The following MSH3 variants were observed in gnomAD, a reference collection of about 807,000 sequenced individuals.
MSH3 encodes the protein mutS homolog 3.
In MSH3, 106 loss-of-function variants were observed where a neutral mutation model predicts 123.3. The observed-to-expected ratio is 0.86, with a 90% CI of 0.73 to 1.01. The LOEUF (loss-of-function observed/expected upper bound fraction) is 1.01. Among genes scored for constraint, MSH3 ranks in the 50% least tolerant of loss-of-function variants. The probability of loss-of-function intolerance (pLI) is 0.00; values close to 1 mark genes in which losing one functional copy is unlikely to be tolerated. For missense variants in MSH3, 1,459 were observed against 1,347.6 expected, an observed-to-expected ratio of 1.08 and a Z score of -1.29; for synonymous variants, 515 against 481.4, an observed-to-expected ratio of 1.07 and a Z score of -0.91.
At chr5:80,655,012 G>T in intron 1 of MSH3, 48 bp downstream of exon 1, 1 of 1,162,396 alleles carries the variant, frequency 8.6e-7, no homozygotes. Context: ...TGGGGGGGCG[G>T]GGCTTGTGGG....
chr5:80,729,161 A>G (rs1743359401), intron 10 of MSH3, among the ~76,000 whole-genome samples, 196 bp downstream of exon 10: 1 of 152,088 alleles, frequency 6.6e-6, no homozygotes, highest in Non-Finnish European at 1.5e-5. Context: ...CATGCCTGTA[A>G]TCCCAGCACT....
rs1580066514 is a variant in MSH3 at position 80,813,674 on chromosome 5, G to A, written c.2746G>A (p.Ala916Thr). The change falls in exon 20 of 24, where the codon GCT (alanine) becomes ACT (threonine). Residue 916 changes from alanine to threonine, a missense_variant. Ala to Thr is a moderately conservative substitution (Grantham distance 58, BLOSUM62 0). Coordinates refer to ENST00000265081, the MANE Select transcript of MSH3 (RefSeq NM_002439.5). Reference sequence around the variant, plus strand: ...ACAAGTTGCATTGATTACCATCATGGCTCAGATTGGCTCCTATGTTCCTGC... The same window carrying A: ...ACAAGTTGCATTGATTACCATCATGACTCAGATTGGCTCCTATGTTCCTGC... ...IKQVALITIM[A>T]QIGSYVPAEE... The A allele has an allele frequency of 6.2e-7, 1 of 1,614,128 alleles. No homozygotes were observed. The highest frequency in any genetic ancestry group is 8.5e-7 in the Non-Finnish European group (1 of 1,180,012).
intron 12 of MSH3, among the ~76,000 whole-genome samples, chr5:80,750,031 A>T (rs549127989): frequency 6.7e-6 from 1 of 148,458 alleles, no homozygotes; most frequent in African/African-American, 2.5e-5. Flanking sequence ...ATATTGTCAA[A>T]TGATAGAATT....
At chr5:80,769,532 T>C (rs1195635669) in intron 15 of MSH3, among the ~76,000 whole-genome samples, 1 of 152,184 alleles carries the variant, frequency 6.6e-6, no homozygotes, top group Middle Eastern at 3.4e-3. Flanking sequence ...TGTACTTCTG[T>C]TTAAAGTTTG....
intron 15 of MSH3, among the ~76,000 whole-genome samples, chr5:80,775,322 A>G (rs1744279666): frequency 6.6e-6 from 1 of 152,144 alleles, no homozygotes; most frequent in South Asian, 2.1e-4. Flanking sequence ...GTAATTGAAT[A>G]TTTTAAAATT....
At chr5:80,780,629 G>A (rs932639920) in intron 17 of MSH3, among the ~76,000 whole-genome samples, 3 of 152,190 alleles carry the variant, frequency 2.0e-5, no homozygotes, top group African/African-American at 7.2e-5. Flanking sequence ...CAGTTTGGGA[G>A]GCTGAGGTGG....
chr5:80,856,460 C>T (rs1019984362), intron 21 of MSH3, among the ~76,000 whole-genome samples: 1 of 146,076 alleles, frequency 6.8e-6, no homozygotes, highest in African/African-American at 2.5e-5. Context: ...GACAAAAAAC[C>T]AAACACCGCA....
chr5:80,806,160 G>A (rs572390232), intron 19 of MSH3, among the ~76,000 whole-genome samples: 10 of 152,034 alleles, frequency 6.6e-5, no homozygotes, highest in Non-Finnish European at 1.2e-4. Flanking sequence ...GTGCAATGGC[G>A]CGATCTCGGC....
intron 21 of MSH3, among the ~76,000 whole-genome samples, chr5:80,860,484 T>C (rs886818630): frequency 1.3e-5 from 2 of 150,296 alleles, no homozygotes; most frequent in Non-Finnish European, 3.0e-5. Context: ...GATATTTTAC[T>C]CCACTCTTTT....
intron 9 of MSH3, among the ~76,000 whole-genome samples, chr5:80,727,054 TGAG>T (rs1162318447): frequency 6.6e-6 from 1 of 152,200 alleles, no homozygotes; most frequent in Non-Finnish European, 1.5e-5. Flanking sequence ...TCCAGGCCCT[TGAG>T]GAGCCTGTAT....
chr5:80,679,624 T>C (rs1749924354), intron 8 of MSH3, among the ~76,000 whole-genome samples: 1 of 152,238 alleles, frequency 6.6e-6, no homozygotes, highest in African/African-American at 2.4e-5. Flanking sequence ...TGGTTTTGTT[T>C]ACTGGATCTA....
chr5:80,675,598 G>A (rs542113730), intron 7 of MSH3, among the ~76,000 whole-genome samples: 10 of 152,248 alleles, frequency 6.6e-5, no homozygotes, highest in Admixed American at 2.6e-4. Flanking sequence ...AGGAAATCTG[G>A]CCTCACAATC....
intron 8 of MSH3, among the ~76,000 whole-genome samples, chr5:80,709,514 C>G (rs1750801514): frequency 6.6e-6 from 1 of 151,880 alleles, no homozygotes; most frequent in African/African-American, 2.4e-5. Flanking sequence ...CCCAGCTACT[C>G]CGGAGGCTGA....
chr5:80,771,814 TC>T, intron 15 of MSH3, among the ~76,000 whole-genome samples: 1 of 152,200 alleles, frequency 6.6e-6, no homozygotes, highest in East Asian at 1.9e-4. Context: ...TCACCTCTGT[TC>T]CCAGCTTTTA....
intron 23 of MSH3, 69 bp from the exon 24 acceptor site, chr5:80,875,682 C>A: frequency 1.1e-6 from 1 of 905,248 alleles, no homozygotes; most frequent in Non-Finnish European, 1.8e-6. Context: ...CTTTTCATAG[C>A]TTCTGATGAG....
At chr5:80,744,752 A>G (rs541711052) in intron 12 of MSH3, 137 bp downstream of exon 12, 25 of 711,626 alleles carry the variant, frequency 3.5e-5, no homozygotes, top group Admixed American at 1.4e-4. Flanking sequence ...GAACTGAGCA[A>G]TAGACTGGCT....
intron 10 of MSH3, among the ~76,000 whole-genome samples, chr5:80,737,443 G>T (rs1362925510): frequency 1.3e-5 from 2 of 151,870 alleles, no homozygotes; most frequent in Admixed American, 1.3e-4. Context: ...TTGTATTTTT[G>T]GTGTCTGAAA....
At chr5:80,872,353 G>C (rs185171307) in intron 22 of MSH3, among the ~76,000 whole-genome samples, 1 of 152,042 alleles carries the variant, frequency 6.6e-6, no homozygotes, top group Non-Finnish European at 1.5e-5. Flanking sequence ...TGTAGTTTCA[G>C]CTACTCGGGA....
intron 8 of MSH3, among the ~76,000 whole-genome samples, chr5:80,705,946 A>G (rs1488416694): frequency 1.3e-5 from 2 of 152,216 alleles, no homozygotes; most frequent in African/African-American, 2.4e-5. Flanking sequence ...TTTGAATGTT[A>G]TAGGGACATA....
Sources: allele counts gnomAD v4.1 joint callset (sites outside exome capture counted in the v4.1 genomes callset), GRCh38; gene constraint gnomAD v4.1.1; transcripts MANE v1.5; gene names NCBI Gene and HGNC (gene_info 2026-07-23, HGNC 2026-07-21).